The following UNC5D variants were observed in gnomAD, a reference collection of about 807,000 sequenced individuals.
UNC5D encodes the protein netrin receptor UNC5D.
In UNC5D, 39 loss-of-function variants were observed where a neutral mutation model predicts 105.4. That is an observed-to-expected ratio of 0.37 (90% CI 0.29 to 0.48). UNC5D has a LOEUF of 0.48. Ranked by LOEUF, UNC5D falls within the 20% of genes least tolerant of loss-of-function variation. UNC5D has a pLI of 0.98. For missense variants in UNC5D, 991 were observed against 1,202.4 expected (o/e 0.82, Z 2.60); for synonymous variants, 452 against 450.4 (o/e 1.00, Z -0.04).
At chr8:35,652,735 G>A (rs958019562) in intron 4 of UNC5D, among the ~76,000 whole-genome samples, 9 of 151,300 alleles carry the variant, frequency 5.9e-5, no homozygotes, top group African/African-American at 2.2e-4. Flanking sequence ...TTGAGTACAT[G>A]TTATCATCTT....
At chr8:35,780,292 ATATC>A (rs1353357448) in intron 16 of UNC5D, among the ~76,000 whole-genome samples, 1 of 152,200 alleles carries the variant, frequency 6.6e-6, no homozygotes, top group Non-Finnish European at 1.5e-5. Context: ...GAAATTCCTC[ATATC>A]TCATGCCTGA....
At chr8:35,337,610 A>G (rs1034750898) in intron 1 of UNC5D, among the ~76,000 whole-genome samples, 9 of 152,226 alleles carry the variant, frequency 5.9e-5, no homozygotes, top group Non-Finnish European at 1.2e-4. Context: ...CTACTGTGGT[A>G]TGAAGCACAC....
At chr8:35,444,704 C>T (rs1246387561) in intron 1 of UNC5D, among the ~76,000 whole-genome samples, 1 of 151,952 alleles carries the variant, frequency 6.6e-6, no homozygotes, top group Non-Finnish European at 1.5e-5. Flanking sequence ...GTCCACTGTC[C>T]ACCCTGAATT....
At chr8:35,545,289 G>A (rs1281891696) in intron 1 of UNC5D, among the ~76,000 whole-genome samples, 1 of 152,160 alleles carries the variant, frequency 6.6e-6, no homozygotes, top group Non-Finnish European at 1.5e-5. Flanking sequence ...CCCCTTAAAA[G>A]TTTCCACTTC....
At chr8:35,557,379 G>A (rs965010875) in intron 2 of UNC5D, among the ~76,000 whole-genome samples, 3 of 152,128 alleles carry the variant, frequency 2.0e-5, no homozygotes, top group Non-Finnish European at 4.4e-5. Context: ...ATTAGGCATG[G>A]CGCACATGCA....
chr8:35,261,888 C>G (rs1271200116), intron 1 of UNC5D, among the ~76,000 whole-genome samples: 3 of 152,130 alleles, frequency 2.0e-5, no homozygotes, highest in Non-Finnish European at 2.9e-5. Flanking sequence ...CTGTTTGAAG[C>G]CAGATATATA....
intron 1 of UNC5D, among the ~76,000 whole-genome samples, chr8:35,400,075 G>A (rs931726154): frequency 2.6e-5 from 4 of 152,094 alleles, no homozygotes; most frequent in Non-Finnish European, 1.5e-5. Flanking sequence ...AGTCAACCCT[G>A]GTGATGGCTG....
intron 1 of UNC5D, among the ~76,000 whole-genome samples, chr8:35,248,988 A>T (rs1347353769): frequency 5.4e-5 from 5 of 92,086 alleles, no homozygotes; most frequent in Non-Finnish European, 9.6e-5. Flanking sequence ...TTTATATAAT[A>T]TATTATATAT....
At chr8:35,406,903 T>C (rs1338901996) in intron 1 of UNC5D, among the ~76,000 whole-genome samples, 6 of 152,152 alleles carry the variant, frequency 3.9e-5, no homozygotes, top group African/African-American at 9.6e-5. Context: ...ATGATGCACG[T>C]ATAGATGGTA....
At chr8:35,764,411 G>C (rs1307742410) in intron 14 of UNC5D, among the ~76,000 whole-genome samples, 1 of 152,138 alleles carries the variant, frequency 6.6e-6, no homozygotes, top group Non-Finnish European at 1.5e-5. Flanking sequence ...AAGTGTAGGA[G>C]GCTGAGATGT....
intron 7 of UNC5D, among the ~76,000 whole-genome samples, chr8:35,702,400 G>A (rs1245591814): frequency 1.3e-5 from 2 of 152,078 alleles, no homozygotes; most frequent in Admixed American, 6.6e-5. Context: ...GCCCAGGTAT[G>A]AGTATTTGTT....
At position 35,349,969 on chromosome 8, in the gene UNC5D, T is replaced by A. The variant is rs555518140; in HGVS notation, c.103+114082T>A. 7.8e-4 allele frequency among the ~76,000 whole-genome samples: 118 copies of A among 152,134 alleles called. 1 individual carries two copies. The highest frequency in any genetic ancestry group is 2.8e-3 in the African/African-American group (116 of 41,552). ...AACAGCACCAGCGGTTGTGTCTACA[T>A]TGAATTGTCCACCATCTGTGCAATA... On this transcript the variant is annotated intron_variant, in intron 1 of 16. Coordinates refer to ENST00000404895, the MANE Select transcript of UNC5D (RefSeq NM_080872.4).
chr8:35,389,587 A>G (rs189355903), intron 1 of UNC5D, among the ~76,000 whole-genome samples: 189 of 152,320 alleles, frequency 1.2e-3, no homozygotes, highest in Admixed American at 2.2e-3. Flanking sequence ...AAGAAAGAAC[A>G]TTATGACTTG....
At position 35,235,814 on chromosome 8, in the gene UNC5D, C is replaced by G; in HGVS notation, c.30C>G (p.Gly10=). 1 of 1,229,964 alleles carries G rather than the reference C, an allele frequency of 8.1e-7. No homozygotes were observed. The highest frequency in any genetic ancestry group is 1.0e-6 in the Non-Finnish European group (1 of 986,412). 76.2% of individuals were successfully genotyped at this position (1,229,964 alleles called of 1,614,324 possible). Reference sequence around the variant, plus strand: ...GGAGAGCGGCGGCCACCGCAGGCGGCGGCGGAGGGGCGCGCCGCTGGCTCC... The same window carrying G: ...GGAGAGCGGCGGCCACCGCAGGCGGGGGCGGAGGGGCGCGCCGCTGGCTCC... MGRAAATAG[G]GGGARRWLPW... Residue 10 remains glycine (G), a synonymous_variant, in exon 1 of 17, where the codon GGC becomes GGG. Coordinates refer to ENST00000404895, the MANE Select transcript of UNC5D (RefSeq NM_080872.4).
Position 35,791,103 on chromosome 8 carries a change from G to A in UNC5D, c.*540G>A, listed in dbSNP as rs1488835553. 3 of 175,974 alleles carry A rather than the reference G, an allele frequency of 1.7e-5. No individual in the cohort carries two copies. The highest frequency in any genetic ancestry group is 3.7e-5 in the Non-Finnish European group (3 of 81,064). 10.9% of individuals were successfully genotyped at this position (175,974 alleles called of 1,614,324 possible). On this transcript the variant is annotated 3_prime_UTR_variant, in exon 17 of 17. Transcript: ENST00000404895. ...AGGGCATTTAGAATTTAGAATCTGA[G>A]CACATCACACCAGCACCAGCTCCCT... is the stretch of plus-strand genomic sequence containing the variant.
chr8:35,366,560 C>A (rs1261374471), intron 1 of UNC5D, among the ~76,000 whole-genome samples: 1 of 152,056 alleles, frequency 6.6e-6, no homozygotes, highest in Non-Finnish European at 1.5e-5. Context: ...TGTCCACTTA[C>A]CCTTCCTGTA....
intron 3 of UNC5D, among the ~76,000 whole-genome samples, chr8:35,570,881 C>T (rs1376401616): frequency 6.6e-6 from 1 of 151,916 alleles, no homozygotes; most frequent in African/African-American, 2.4e-5. Flanking sequence ...TCACTTGAAC[C>T]CGGGAGGCAG....
chr8:35,445,017 T>G (rs1298002455), intron 1 of UNC5D, among the ~76,000 whole-genome samples: 1 of 152,024 alleles, frequency 6.6e-6, no homozygotes, highest in Non-Finnish European at 1.5e-5. Flanking sequence ...ATCATGATGT[T>G]TCCCTCCTAG....
intron 1 of UNC5D, among the ~76,000 whole-genome samples, chr8:35,268,290 A>AG (rs948974923): frequency 2.0e-5 from 3 of 151,644 alleles, no homozygotes; most frequent in Non-Finnish European, 4.4e-5. Context: ...AAACTAACAA[A>AG]AAAACCTGAA....
Sources: gnomAD v4.1 joint callset for allele counts (sites outside exome capture counted in the v4.1 genomes callset) on GRCh38, gnomAD v4.1.1 for gene constraint, MANE v1.5 for transcripts, NCBI Gene and HGNC (gene_info 2026-07-23, HGNC 2026-07-21) for gene names.